PLCB4: variants seen among roughly 807,000 people sequenced by gnomAD.
The protein encoded by PLCB4 is phospholipase C beta 4.
In PLCB4, 77 loss-of-function variants were observed where a neutral mutation model predicts 178.8. The observed-to-expected ratio is 0.43, with a 90% CI of 0.36 to 0.52. The LOEUF is 0.52. PLCB4 is among the 20% of genes least tolerant of loss of function. The pLI, the probability that PLCB4 is intolerant of heterozygous loss-of-function variation, is 0.00. For synonymous variants in PLCB4, 496 were observed against 490.8 expected, an observed-to-expected ratio of 1.01 and a Z score of -0.14; for missense variants, 1,024 against 1,453.4, an observed-to-expected ratio of 0.70 and a Z score of 4.80.
intron 2 of PLCB4, among the ~76,000 whole-genome samples, chr20:9,127,585 G>T (rs1012648488): frequency 9.9e-5 from 15 of 151,778 alleles, no homozygotes; most frequent in African/African-American, 3.6e-4. Flanking sequence ...GACACTTCAG[G>T]TGCCCTGCCC....
In PLCB4 at chr20:9,083,598, T is replaced by C. The variant is rs145391370; in HGVS notation, c.-134-12689T>C. Among the ~76,000 whole-genome samples, 6 of 152,300 alleles carry C rather than the reference T, an allele frequency of 3.9e-5. No homozygotes were observed. In the East Asian group the frequency reaches 9.6e-4, roughly 24 times the overall value. On this transcript the variant is annotated intron_variant, in intron 1 of 39. Transcript: ENST00000378473. ...CCTTCAGAATACAATCCCATTTCATTCTCTCAGCAATTCTGCAGGTTAGGT... is the reference window on the plus strand; with the variant it reads ...CCTTCAGAATACAATCCCATTTCATCCTCTCAGCAATTCTGCAGGTTAGGT...
At chr20:9,348,913 C>T (rs1365713762) in intron 7 of PLCB4, among the ~76,000 whole-genome samples, 3 of 152,066 alleles carry the variant, frequency 2.0e-5, no homozygotes, top group African/African-American at 7.2e-5. Context: ...CTGCACTGAC[C>T]ATGTTGACAA....
In PLCB4 at chr20:9,269,986, C is replaced by T. The variant is rs147163873; in HGVS notation, c.-15-37814C>T. The stretch of plus-strand genomic sequence containing the variant: ...GGAGTCTTGGAAATTTAATGTTTAA[C>T]CTCCTGGCCTCCCTAACCAAGGAAG... On this transcript the variant is annotated intron_variant, in intron 3 of 39. Coordinates refer to ENST00000378473, the MANE Select transcript of PLCB4 (RefSeq NM_001377142.1). Among the ~76,000 whole-genome samples, 388 of 152,160 alleles carry T rather than the reference C, an allele frequency of 2.5e-3. 2 individuals carry two copies. The highest frequency in any genetic ancestry group is 0.024 in the Middle Eastern group (7 of 294).
intron 4 of PLCB4, among the ~76,000 whole-genome samples, chr20:9,316,684 G>A (rs1365073263): frequency 6.6e-6 from 1 of 152,154 alleles, no homozygotes; most frequent in East Asian, 1.9e-4. Context: ...ACAGCTGTGT[G>A]ACTTCTTCCT....
intron 1 of PLCB4, among the ~76,000 whole-genome samples, chr20:9,095,288 T>G (rs1343289980): frequency 6.6e-6 from 1 of 152,242 alleles, no homozygotes; most frequent in Non-Finnish European, 1.5e-5. Context: ...TCCTCTGGAC[T>G]GTGGTCTCCT....
Position 9,338,081 on chromosome 20 carries a change from G to A in PLCB4, c.225+14G>A. The A allele has an allele frequency of 6.3e-7, 1 of 1,585,624 alleles. No homozygotes were observed. Among genetic ancestry groups the A allele is most frequent in the Non-Finnish European group, 8.7e-7 (1 of 1,154,424 alleles). On this transcript the variant is annotated intron_variant, in intron 6 of 39. Coordinates refer to ENST00000378473, the MANE Select transcript of PLCB4 (RefSeq NM_001377142.1). Reference sequence around the variant, plus strand: ...GCCATACCAAAGGTACCTGTGATTGGTATTTGCTTTTCTAAACACGGATTT... The same window carrying A: ...GCCATACCAAAGGTACCTGTGATTGATATTTGCTTTTCTAAACACGGATTT...
At chr20:9,254,074 G>C (rs1338313219) in intron 3 of PLCB4, among the ~76,000 whole-genome samples, 2 of 152,160 alleles carry the variant, frequency 1.3e-5, no homozygotes, top group African/African-American at 4.8e-5. Flanking sequence ...AATCTCACCT[G>C]TTTCTTGGTA....
chr20:9,334,459 G>A (rs1463052259), intron 4 of PLCB4, among the ~76,000 whole-genome samples: 1 of 152,074 alleles, frequency 6.6e-6, no homozygotes, highest in Non-Finnish European at 1.5e-5. Context: ...CCATTGAGAA[G>A]GAAATATAAG....
chr20:9,247,138 T>A (rs974234487), intron 3 of PLCB4, among the ~76,000 whole-genome samples: 11 of 152,294 alleles, frequency 7.2e-5, no homozygotes, highest in African/African-American at 2.6e-4. Flanking sequence ...GAATCACAGA[T>A]CTTTTTAGTA....
Position 9,389,896 on chromosome 20 carries a change from C to G in PLCB4, c.1176C>G (p.Ile392Met), listed in dbSNP as rs756635232. The change falls in exon 16 of 40, where the codon ATC becomes ATG. Residue 392 changes from isoleucine to methionine, a missense_variant. Physicochemically the swap from Ile to Met is conservative, Grantham distance 10. Around this residue, in one of 7 missense-constraint regions of PLCB4, gnomAD observed 263 missense variants for 417.4 expected, o/e 0.63. Transcript: ENST00000378473. Reference sequence around the variant, plus strand: ...TTTTAAAGGATGTAATTCAAGCCATCAAGGAAACTGCATTTGTCACATCAG... The same window carrying G: ...TTTTAAAGGATGTAATTCAAGCCATGAAGGAAACTGCATTTGTCACATCAG... Reference protein sequence around the residue: ...DILFKDVIQAIKETAFVTSEY... With the variant: ...DILFKDVIQAMKETAFVTSEY... The G allele has an allele frequency of 3.2e-6, 5 of 1,574,440 alleles. No homozygotes were observed.
At position 9,380,502 on chromosome 20, in the gene PLCB4, G is replaced by A. The variant is rs1025044482; in HGVS notation, c.853+340G>A. Among the ~76,000 whole-genome samples the A allele has an allele frequency of 2.0e-5, 3 of 152,038 alleles. No homozygotes were observed. In the East Asian group the frequency reaches 5.8e-4, roughly 29 times the overall value. Reference sequence around the variant, plus strand: ...CTTGCAATCCTTGAAAATAATTTTTGTCATATAAAAACTTATACCTTTTCT... The same window carrying A: ...CTTGCAATCCTTGAAAATAATTTTTATCATATAAAAACTTATACCTTTTCT... On this transcript the variant is annotated intron_variant, in intron 13 of 39. Coordinates refer to ENST00000378473, the MANE Select transcript of PLCB4 (RefSeq NM_001377142.1).
chr20:9,306,837 G>A (rs182501915), intron 3 of PLCB4, among the ~76,000 whole-genome samples: 1 of 152,314 alleles, frequency 6.6e-6, no homozygotes, highest in East Asian at 1.9e-4. Flanking sequence ...ACTCTGAACA[G>A]TGCCTAGCCT....
chr20:9,423,881 A>G lies in PLCB4; in HGVS notation c.2453A>G (p.Asn818Ser). Reference protein sequence around the residue: ...YRHISLRNEGNKPLSLPTIFC... With the variant: ...YRHISLRNEGSKPLSLPTIFC... ...CACATTTCCCTTCGAAATGAGGGAA[A>G]TAAACCATTATCACTACCAACAATT... Residue 818 changes from asparagine to serine, a missense_variant, in exon 28 of 40, where the codon AAT (asparagine) becomes AGT (serine). Around this residue, in one of 7 missense-constraint regions of PLCB4, gnomAD observed 227 missense variants for 374.3 expected, o/e 0.61. Coordinates refer to ENST00000378473, the MANE Select transcript of PLCB4 (RefSeq NM_001377142.1). 6.2e-7 allele frequency: 1 copy of G among 1,613,904 alleles called. No homozygotes were observed. The highest frequency in any genetic ancestry group is 8.5e-7 in the Non-Finnish European group (1 of 1,179,768).
At chr20:9,392,967 GT>G (rs1454301455) in intron 17 of PLCB4, among the ~76,000 whole-genome samples, 1 of 152,126 alleles carries the variant, frequency 6.6e-6, no homozygotes, top group Non-Finnish European at 1.5e-5. Context: ...ATACAGGACG[GT>G]TCTGTAGACC....
chr20:9,253,349 C>T (rs181105879), intron 3 of PLCB4, among the ~76,000 whole-genome samples: 1 of 152,286 alleles, frequency 6.6e-6, no homozygotes, highest in Admixed American at 6.5e-5. Flanking sequence ...CCTTGCCTGT[C>T]AGCAGTTTCC....
At chr20:9,232,642 T>C (rs941605381) in intron 3 of PLCB4, among the ~76,000 whole-genome samples, 1 of 152,140 alleles carries the variant, frequency 6.6e-6, no homozygotes, top group African/African-American at 2.4e-5. Context: ...GTAAAGTTTG[T>C]AGGTAATTTT....
chr20:9,086,847 C>T (rs550409888), intron 1 of PLCB4, among the ~76,000 whole-genome samples: 19 of 152,310 alleles, frequency 1.2e-4, no homozygotes, highest in African/African-American at 4.3e-4. Context: ...TTGAGCAAGT[C>T]ATTTCACATC....
chr20:9,193,519 G>A (rs1273144631), intron 2 of PLCB4, among the ~76,000 whole-genome samples: 1 of 152,190 alleles, frequency 6.6e-6, no homozygotes, highest in Non-Finnish European at 1.5e-5. Flanking sequence ...CACAGCATTT[G>A]TATTAGAAAG....
intron 2 of PLCB4, among the ~76,000 whole-genome samples, chr20:9,170,331 C>T (rs2093042981): frequency 6.6e-6 from 1 of 152,200 alleles, no homozygotes; most frequent in African/African-American, 2.4e-5. Context: ...TTATTTCTGA[C>T]AGAACTAAAG....
Sources: gnomAD v4.1 joint callset for allele counts (sites outside exome capture counted in the v4.1 genomes callset) on GRCh38, gnomAD v4.1.1 for gene constraint, gnomAD v4.1.1 regional missense constraint, MANE v1.5 for transcripts, NCBI Gene and HGNC (gene_info 2026-07-23, HGNC 2026-07-21) for gene names.